The following CCDC7 variants were observed in gnomAD, a reference collection of about 807,000 sequenced individuals.
CCDC7 encodes the protein coiled-coil domain-containing protein 7.
Under a neutral mutation model 196.9 loss-of-function variants are expected in CCDC7, and 183 were observed. The observed-to-expected ratio is 0.93, with a 90% CI of 0.82 to 1.05. The LOEUF (loss-of-function observed/expected upper bound fraction) is 1.05. Among genes scored for constraint, CCDC7 ranks in the 50% least tolerant of loss-of-function variants. The pLI is 0.00. For missense variants in CCDC7, 1,540 were observed against 1,482.2 expected (o/e 1.04, Z -0.64); for synonymous variants, 525 against 484.6 (o/e 1.08, Z -1.10).
At position 32,686,932 on chromosome 10, in the gene CCDC7, G is replaced by T. The variant is rs149318907; in HGVS notation, c.2233+852G>T. On this transcript the variant is annotated intron_variant, in intron 22 of 41. Transcript: ENST00000639629. ...GGAACAGAACTGTTTCCAGATCATG[G>T]TTTTGTGGAGGGATTTTAAAGATGT... is the stretch of plus-strand genomic sequence containing the variant. Among the ~76,000 whole-genome samples, 269 of 152,312 alleles carry T rather than the reference G, an allele frequency of 1.8e-3. 1 individual carries two copies. Among genetic ancestry groups the T allele is most frequent in the Non-Finnish European group, 3.4e-3 (228 of 68,038 alleles).
At chr10:32,527,516 C>G (rs578198293) in intron 11 of CCDC7, among the ~76,000 whole-genome samples, 1 of 152,286 alleles carries the variant, frequency 6.6e-6, no homozygotes, top group East Asian at 1.9e-4. Context: ...TTTGTCTCAG[C>G]CCGTGCACAT....
chr10:32,678,556 AC>A (rs1285739897), intron 21 of CCDC7, among the ~76,000 whole-genome samples: 1 of 151,450 alleles, frequency 6.6e-6, no homozygotes, highest in Non-Finnish European at 1.5e-5. Context: ...GCTTCTGACC[AC>A]CCCTCTTCCT....
At chr10:32,642,116 C>CCACTTG (rs751773476) in intron 20 of CCDC7, among the ~76,000 whole-genome samples, 1 of 152,218 alleles carries the variant, frequency 6.6e-6, no homozygotes, top group Non-Finnish European at 1.5e-5. Flanking sequence ...CTTGAGGAGG[C>CCACTTG]AGTCTGTCCG....
chr10:32,530,310 T>C (rs2049430004), intron 11 of CCDC7, among the ~76,000 whole-genome samples: 1 of 152,168 alleles, frequency 6.6e-6, no homozygotes, highest in Admixed American at 6.5e-5. Flanking sequence ...CTGTGAAGAA[T>C]GATGTTAGTA....
chr10:32,541,868 T>C (rs953482701), intron 11 of CCDC7, among the ~76,000 whole-genome samples: 15 of 152,238 alleles, frequency 9.9e-5, no homozygotes, highest in Non-Finnish European at 2.1e-4. Flanking sequence ...TCTCACCCTT[T>C]CACATGTTGG....
intron 18 of CCDC7, among the ~76,000 whole-genome samples, chr10:32,615,797 A>C (rs1211785040): frequency 6.6e-6 from 1 of 152,028 alleles, no homozygotes; most frequent in Non-Finnish European, 1.5e-5. Flanking sequence ...GGATATTTAT[A>C]ATGTCAGGTG....
intron 32 of CCDC7, among the ~76,000 whole-genome samples, chr10:32,824,881 T>A (rs997611221): frequency 6.6e-6 from 1 of 152,254 alleles, no homozygotes; most frequent in Non-Finnish European, 1.5e-5. Flanking sequence ...ATTTGCTATT[T>A]ATGGCTAATT....
chr10:32,479,391 C>T (rs905072635), intron 8 of CCDC7, among the ~76,000 whole-genome samples: 7 of 152,074 alleles, frequency 4.6e-5, no homozygotes, highest in Admixed American at 4.6e-4. Flanking sequence ...TACATTCCTT[C>T]TGTATCTAAT....
chr10:32,547,441 C>T (rs902991733), intron 13 of CCDC7, among the ~76,000 whole-genome samples: 2 of 152,108 alleles, frequency 1.3e-5, no homozygotes, highest in Non-Finnish European at 2.9e-5. Context: ...AAGGGAGTGG[C>T]ATCCCATCAC....
intron 25 of CCDC7, among the ~76,000 whole-genome samples, chr10:32,723,987 A>AT (rs1215563489): frequency 1.3e-5 from 2 of 151,880 alleles, no homozygotes; most frequent in African/African-American, 4.8e-5. Context: ...CTAGGTAGGG[A>AT]TTGCTTCCCC....
chr10:32,451,730 C>A, exon 1 of CCDC7: 1 of 1,614,030 alleles, frequency 6.2e-7, no homozygotes, highest in African/African-American at 1.3e-5. Context: ...ACATAATTTA[C>A]CATTATCACC....
At chr10:32,757,266 C>T (rs2133703106) in intron 28 of CCDC7, among the ~76,000 whole-genome samples, 1 of 152,312 alleles carries the variant, frequency 6.6e-6, no homozygotes, top group African/African-American at 2.4e-5. Context: ...TAGACATCTG[C>T]AGAAATCTCC....
At chr10:32,778,022 C>T (rs565858659) in intron 28 of CCDC7, among the ~76,000 whole-genome samples, 21 of 152,076 alleles carry the variant, frequency 1.4e-4, no homozygotes, top group Non-Finnish European at 1.9e-4. Context: ...TGTCCTTTGC[C>T]CCACTTTATA....
intron 20 of CCDC7, among the ~76,000 whole-genome samples, chr10:32,646,508 A>G (rs907434861): frequency 6.6e-6 from 1 of 152,136 alleles, no homozygotes; most frequent in African/African-American, 2.4e-5. Flanking sequence ...CTGTTGGGTG[A>G]CACGTATTAT....
downstream of CCDC7, among the ~76,000 whole-genome samples, chr10:32,877,292 C>G (rs2094623261): frequency 6.6e-6 from 1 of 151,896 alleles, no homozygotes; most frequent in African/African-American, 2.4e-5. Flanking sequence ...AAATTATTCC[C>G]TAGTGATCAA....
At chr10:32,721,205 T>C (rs1369570066) in intron 25 of CCDC7, among the ~76,000 whole-genome samples, 1 of 152,190 alleles carries the variant, frequency 6.6e-6, no homozygotes, top group African/African-American at 2.4e-5. Context: ...TAACACTATT[T>C]TATGGCTATG....
intron 20 of CCDC7, among the ~76,000 whole-genome samples, chr10:32,637,160 T>G (rs1285060158): frequency 2.6e-5 from 4 of 152,232 alleles, no homozygotes; most frequent in Admixed American, 6.5e-5. Flanking sequence ...TTGCAAAAGT[T>G]TTCTCCCATT....
At chr10:32,556,365 C>T (rs527890364) in intron 13 of CCDC7, among the ~76,000 whole-genome samples, 2 of 152,264 alleles carry the variant, frequency 1.3e-5, no homozygotes, top group South Asian at 4.2e-4. Context: ...ATGGTTCCAG[C>T]AAGTACAGTA....
intron 29 of CCDC7, among the ~76,000 whole-genome samples, chr10:32,793,988 G>A (rs556972758): frequency 4.6e-5 from 7 of 152,158 alleles, no homozygotes; most frequent in Admixed American, 4.6e-4. Flanking sequence ...TTAGGTTCAG[G>A]GTATATGTGG....
Sources: gnomAD v4.1 joint callset for allele counts (sites outside exome capture counted in the v4.1 genomes callset) on GRCh38, gnomAD v4.1.1 for gene constraint, MANE v1.5 for transcripts, NCBI Gene and HGNC (gene_info 2026-07-23, HGNC 2026-07-21) for gene names.